The following ACCSL variants were observed in gnomAD, a reference collection of about 807,000 sequenced individuals.
ACCSL encodes probable inactive 1-aminocyclopropane-1-carboxylate synthase-like protein 2.
Under a neutral mutation model 61.7 loss-of-function variants are expected in ACCSL, and 55 were observed. The ratio of observed to expected loss-of-function variants is 0.89; its 90% CI spans 0.72 to 1.12. ACCSL has a LOEUF of 1.12. ACCSL is among the 50% of genes most tolerant of loss of function. The pLI is 0.00. For missense variants in ACCSL, 632 were observed against 698.0 expected, an observed-to-expected ratio of 0.91 and a Z score of 1.07; for synonymous variants, 258 against 264.3, an observed-to-expected ratio of 0.98 and a Z score of 0.23.
chr11:43,961,412 C>T, the ACCSL span, among the ~76,000 whole-genome samples: 1 of 152,110 alleles, frequency 6.6e-6, no homozygotes, highest in South Asian at 2.1e-4. Context: ...CCCTTCTTAT[C>T]GATTGATGGG....
At chr11:43,990,515 C>T in the ACCSL span, among the ~76,000 whole-genome samples, 1 of 152,124 alleles carries the variant, frequency 6.6e-6, no homozygotes, top group Non-Finnish European at 1.5e-5. Flanking sequence ...TGCCTTAATA[C>T]CCCCTAAAAG....
chr11:43,978,844 C>T, the ACCSL span, among the ~76,000 whole-genome samples: 10,555 of 133,400 alleles, frequency 0.079, 415 homozygotes, highest in Admixed American at 0.11. Context: ...GTTCCTCTCC[C>T]AGTTCTGTGT....
the ACCSL span, among the ~76,000 whole-genome samples, chr11:43,960,684 C>T: frequency 6.6e-6 from 1 of 152,258 alleles, no homozygotes; most frequent in African/African-American, 2.4e-5. Flanking sequence ...CATGCCCAGC[C>T]TGTTTTTTAC....
chr11:44,048,029 C>T lies in ACCSL; in HGVS notation c.-8C>T. ...CAGCCTTCAGAGGCCAGTAAAGATA[C>T]CCGGAGTATGAGTCATCGGTCAGAC... On this transcript the variant is annotated 5_prime_UTR_variant, in exon 1 of 14. Transcript: ENST00000378832. 5 of 1,601,500 alleles carry T rather than the reference C, an allele frequency of 3.1e-6. No individual in the cohort carries two copies. The highest frequency in any genetic ancestry group is 4.3e-6 in the Non-Finnish European group (5 of 1,169,870).
At chr11:43,938,814 T>C in the ACCSL span, among the ~76,000 whole-genome samples, 1 of 152,112 alleles carries the variant, frequency 6.6e-6, no homozygotes, top group East Asian at 1.9e-4. Flanking sequence ...AGTAAATAAA[T>C]AAATAATAAA....
the ACCSL span, among the ~76,000 whole-genome samples, chr11:43,931,417 G>T: frequency 6.6e-6 from 1 of 152,148 alleles, no homozygotes; most frequent in Non-Finnish European, 1.5e-5. Flanking sequence ...CCCTTCCCAG[G>T]CCCAGCTAGC....
chr11:44,058,972 G>C lies in ACCSL; in HGVS notation c.1624+273G>C, dbSNP rs548833024. Among the ~76,000 whole-genome samples the C allele has an allele frequency of 1.2e-4, 19 of 152,262 alleles. No homozygotes were observed. The South Asian group carries it at 3.9e-3, about 32-fold the overall frequency. ...AAGTAGTACTCTGAGGCCAGGTGCG[G>C]TGTCTTATGCCTGTAATCCCAGCAC... On this transcript the variant is annotated intron_variant, in intron 13 of 13. Coordinates refer to ENST00000378832, the MANE Select transcript of ACCSL (RefSeq NM_001031854.2).
chr11:44,052,536 C>T (rs1952645638), intron 5 of ACCSL, 126 bp from the exon 6 acceptor site: 5 of 758,304 alleles, frequency 6.6e-6, no homozygotes, highest in Non-Finnish European at 1.1e-5. Context: ...GAACATTAAT[C>T]CCCAGGTAGA....
the ACCSL span, among the ~76,000 whole-genome samples, chr11:43,923,598 C>T: frequency 6.6e-6 from 1 of 152,204 alleles, no homozygotes; most frequent in Non-Finnish European, 1.5e-5. Flanking sequence ...ATTCCTGCAT[C>T]TGGGTGTCAA....
chr11:44,056,460 A>G, intron 11 of ACCSL, 134 bp downstream of exon 11: 1 of 1,254,374 alleles, frequency 8.0e-7, no homozygotes, highest in South Asian at 1.5e-5. Context: ...AACTGTGGTA[A>G]GATGTGAGGT....
At chr11:44,030,054 TTGA>T in the ACCSL span, among the ~76,000 whole-genome samples, 1 of 118,356 alleles carries the variant, frequency 8.4e-6, no homozygotes, top group Non-Finnish European at 1.7e-5. Context: ...GTTTCTTTGG[TTGA>T]TTTTTTTTTT....
the ACCSL span, among the ~76,000 whole-genome samples, chr11:44,040,934 C>T: frequency 1.3e-5 from 2 of 152,164 alleles, no homozygotes; most frequent in Admixed American, 6.5e-5. Flanking sequence ...TTGAAGCTCC[C>T]CTTTCCACGT....
chr11:43,954,515 A>C, the ACCSL span, among the ~76,000 whole-genome samples: 1 of 151,496 alleles, frequency 6.6e-6, no homozygotes, highest in Non-Finnish European at 1.5e-5. Context: ...GGCCTCCCTT[A>C]CCCTAATCTT....
At chr11:44,023,480 G>A in the ACCSL span, among the ~76,000 whole-genome samples, 7 of 152,044 alleles carry the variant, frequency 4.6e-5, no homozygotes, top group East Asian at 1.4e-3. Context: ...TTTTATTTCT[G>A]TATGATTGGT....
upstream of ACCSL, among the ~76,000 whole-genome samples, chr11:44,043,116 C>T (rs995916600): frequency 2.6e-5 from 4 of 152,052 alleles, no homozygotes; most frequent in African/African-American, 9.7e-5. Flanking sequence ...TATATTCTAG[C>T]AGAGACTTAG....
In ACCSL at chr11:44,048,303, C is replaced by T. The variant is rs766259014; in HGVS notation, c.267C>T (p.Gly89=). ...INLLQSGAAS[G]LELQVPLPSE... ...TCCTACAGTCTGGGGCCGCGAGTGG[C>T]CTGGAGCTCCAAGTGCCTCTTCCTT... is the stretch of plus-strand genomic sequence containing the variant. The change falls in exon 1 of 14, where the codon GGC becomes GGT. Residue 89 remains glycine, a synonymous_variant. Transcript: ENST00000378832. 1.1e-5 allele frequency: 17 copies of T among 1,613,968 alleles called. No homozygotes were observed. Among genetic ancestry groups the T allele is most frequent in the African/African-American group, 1.3e-5 (1 of 74,878 alleles).
the ACCSL span, among the ~76,000 whole-genome samples, chr11:44,013,177 A>T: frequency 6.6e-6 from 1 of 152,262 alleles, no homozygotes; most frequent in African/African-American, 2.4e-5. Context: ...AGTGCAAAAC[A>T]GCGTGTATAT....
the ACCSL span, among the ~76,000 whole-genome samples, chr11:43,939,263 C>A: frequency 6.6e-6 from 1 of 152,204 alleles, no homozygotes. Flanking sequence ...GGTTCACCAG[C>A]TTCTCATCCT....
the ACCSL span, among the ~76,000 whole-genome samples, chr11:43,988,815 T>A: frequency 2.0e-5 from 1 of 50,686 alleles, no homozygotes; most frequent in Non-Finnish European, 5.0e-5. Flanking sequence ...TCTTTTTTTT[T>A]TTTTTTTTTT....
Sources: gnomAD v4.1 joint callset for allele counts (sites outside exome capture counted in the v4.1 genomes callset) on GRCh38, gnomAD v4.1.1 for gene constraint, MANE v1.5 for transcripts, NCBI Gene and HGNC (gene_info 2026-07-23, HGNC 2026-07-21) for gene names.